COPS3: variants seen among roughly 807,000 people sequenced by gnomAD.
The protein encoded by COPS3 is COP9 signalosome subunit 3, also known as COP9 signalosome complex subunit 3.
COPS3 carries 10 observed loss-of-function variants against 58.2 expected under a neutral mutation model. The observed-to-expected ratio is 0.17, with a 90% CI of 0.11 to 0.29. The LOEUF is 0.29. Ranked by LOEUF, COPS3 falls within the 10% of genes least tolerant of loss-of-function variation. The pLI is 1.00. For missense variants in COPS3, 333 were observed against 510.1 expected (o/e 0.65, Z 3.34); for synonymous variants, 187 against 181.7 (o/e 1.03, Z -0.24).
intron 4 of COPS3, among the ~76,000 whole-genome samples, chr17:17,270,203 A>G (rs1221252708): frequency 1.3e-5 from 2 of 152,044 alleles, no homozygotes; most frequent in East Asian, 3.9e-4. Context: ...TGACCATTAC[A>G]CTATACTATG....
At chr17:17,263,875 T>C (rs2048165653) in intron 6 of COPS3, among the ~76,000 whole-genome samples, 1 of 152,240 alleles carries the variant, frequency 6.6e-6, no homozygotes, top group South Asian at 2.1e-4. Context: ...GCTCATGAGT[T>C]AACTATATTT....
At position 17,270,953 on chromosome 17, in the gene COPS3, C is replaced by T. The variant is rs1328025754; in HGVS notation, c.241G>A (p.Val81Ile). The T allele has an allele frequency of 6.2e-7, 1 of 1,613,822 alleles. No individual in the cohort carries two copies. Among genetic ancestry groups the T allele is most frequent in the Admixed American group, 1.7e-5 (1 of 59,928 alleles). ...TTACAAGTGCTGATGAAGAGCTGAA[C>T]CTGTGAGAATAGCGTTTCGAAGTCA... ...VPDFETLFSQ[V>I]QLFISTCNGE... Residue 81 changes from valine (V) to isoleucine (I), a missense_variant, in exon 3 of 12, where the codon GTT becomes ATT. Val to Ile is a conservative substitution (Grantham distance 29). Coordinates refer to ENST00000268717, the MANE Select transcript of COPS3 (RefSeq NM_003653.4).
intron 9 of COPS3, among the ~76,000 whole-genome samples, chr17:17,251,977 G>C (rs1004672966): frequency 3.9e-5 from 6 of 151,990 alleles, no homozygotes; most frequent in Non-Finnish European, 7.4e-5. Context: ...GCTGAGGCAG[G>C]AGAATGGCGT....
chr17:17,254,890 G>A lies in COPS3; in HGVS notation c.992C>T (p.Pro331Leu). 1 of 1,612,848 alleles carries A rather than the reference G, an allele frequency of 6.2e-7. No individual in the cohort carries two copies. The part of the protein sequence containing the change: ...DMASRVQLSG[P>L]QEAEKYVLHM... ...CAGAACGTATTTCTCTGCCTCCTGA[G>A]GTCCAGACAACTGCACACGACTTGC... The change falls in exon 9 of 12, where the codon CCT becomes CTT. Residue 331 changes from proline (P) to leucine (L), a missense_variant. Physicochemically the swap from Pro to Leu is moderately conservative, Grantham distance 98. Coordinates refer to ENST00000268717, the MANE Select transcript of COPS3 (RefSeq NM_003653.4).
chr17:17,274,784 T>G (rs901083655), intron 2 of COPS3, among the ~76,000 whole-genome samples: 3 of 151,996 alleles, frequency 2.0e-5, no homozygotes, highest in African/African-American at 7.2e-5. Context: ...ATTTGAAATT[T>G]ACTTACAACC....
intron 4 of COPS3, among the ~76,000 whole-genome samples, chr17:17,268,638 G>A (rs2048278231): frequency 1.3e-5 from 2 of 152,188 alleles, no homozygotes; most frequent in South Asian, 4.2e-4. Flanking sequence ...GGCCAACATG[G>A]CAAAACCCCA....
rs955442762 is a variant in COPS3, at chr17:17,281,212, C to T, written c.-26G>A. 1.9e-6 allele frequency: 3 copies of T among 1,603,524 alleles called. No individual in the cohort carries two copies. Among genetic ancestry groups the T allele is most frequent in the African/African-American group, 1.3e-5 (1 of 74,832 alleles). On this transcript the variant is annotated 5_prime_UTR_variant, in exon 1 of 12. Transcript: ENST00000268717. ...GTTTTCCCCCGGGCGGCCCGAGCGG[C>T]GAAGGCAGCACGCGCGGGAAAAGGC...
At chr17:17,254,992 A>C in intron 8 of COPS3, 47 bp from the exon 9 acceptor site, 1 of 1,360,032 alleles carries the variant, frequency 7.4e-7, no homozygotes, top group East Asian at 2.3e-5. Flanking sequence ...CAACGAAGGA[A>C]GGACATTTTA....
chr17:17,257,127 G>A (rs1253820117), intron 8 of COPS3, among the ~76,000 whole-genome samples: 1 of 152,070 alleles, frequency 6.6e-6, no homozygotes, highest in Non-Finnish European at 1.5e-5. Flanking sequence ...ACTTTGGGAG[G>A]CCAAAGTGGG....
chr17:17,271,481 T>C (rs1372674255), intron 2 of COPS3, among the ~76,000 whole-genome samples: 1 of 151,718 alleles, frequency 6.6e-6, no homozygotes, highest in Non-Finnish European at 1.5e-5. Flanking sequence ...GACCTGGTTA[T>C]TTTGCACAAT....
rs1350230504 is a variant in COPS3, at chr17:17,270,987, G to C, written c.207C>G (p.Pro69=). Residue 69 remains proline, a synonymous_variant, in exon 3 of 12, where the codon CCC becomes CCG. Transcript: ENST00000268717. ...ATAGCGTTTCGAAGTCAGGAACACT[G>C]GGCATAGAAAACTTCACAAACCTAG... ...LAVLFVKFSM[P]SVPDFETLFS... 1 of 1,613,638 alleles carries C rather than the reference G, an allele frequency of 6.2e-7. No individual in the cohort carries two copies. The highest frequency in any genetic ancestry group is 8.5e-7 in the Non-Finnish European group (1 of 1,179,784).
chr17:17,280,762 C>A lies in COPS3; in HGVS notation c.55+370G>T, dbSNP rs7209709. ...CGGATCGGCGGCAAAGATGACATGG[C>A]GGTGCGCCAATCACCGAAGGCAAGA... On this transcript the variant is annotated intron_variant, in intron 1 of 11. Coordinates refer to ENST00000268717, the MANE Select transcript of COPS3 (RefSeq NM_003653.4). The A allele has an allele frequency of 1.2e-3, 1,501 of 1,251,000 alleles. 22 individuals are homozygous for A. The African/African-American group carries it at 0.022, about 18-fold the overall frequency. 77.5% of individuals were successfully genotyped at this position (1,251,000 alleles called of 1,614,324 possible).
intron 2 of COPS3, among the ~76,000 whole-genome samples, chr17:17,274,707 G>A (rs2048423998): frequency 6.6e-6 from 1 of 151,632 alleles, no homozygotes; most frequent in African/African-American, 2.4e-5. Flanking sequence ...ACAGATGTAA[G>A]CCACTGTGTC....
chr17:17,280,186 TG>T (rs2048544445), intron 1 of COPS3, among the ~76,000 whole-genome samples: 1 of 152,134 alleles, frequency 6.6e-6, no homozygotes, highest in African/African-American at 2.4e-5. Flanking sequence ...CCGAGGCCAG[TG>T]GATCACCTGA....
chr17:17,277,593 G>GT (rs1323494286), intron 1 of COPS3, among the ~76,000 whole-genome samples: 3 of 151,488 alleles, frequency 2.0e-5, no homozygotes, highest in East Asian at 1.9e-4. Flanking sequence ...TATTTTTTAA[G>GT]TTTTTTGCAG....
At chr17:17,260,239 G>A (rs1567851839) in intron 8 of COPS3, 62 bp downstream of exon 8, 2 of 1,520,356 alleles carry the variant, frequency 1.3e-6, no homozygotes, top group African/African-American at 1.4e-5. Context: ...AAAAGGGAGA[G>A]AAAGGGAAAC....
In COPS3 at chr17:17,260,454, G is replaced by A. The variant is rs368452318; in HGVS notation, c.783C>T (p.His261=). Residue 261 remains histidine (H), a synonymous_variant, in exon 8 of 12, where the codon CAC becomes CAT. Coordinates refer to ENST00000268717, the MANE Select transcript of COPS3 (RefSeq NM_003653.4). ...TGGTTGAATACACTTGTGCTAACTC[G>A]TGGTATGCATTGCTAAGAGGCTAAA... ...RFIKPLSNAY[H]ELAQVYSTNN... is the part of the protein sequence containing the mutation. The A allele has an allele frequency of 7.6e-5, 122 of 1,614,084 alleles. No individual in the cohort carries two copies. Among genetic ancestry groups the A allele is most frequent in the South Asian group, 4.1e-4 (37 of 91,084 alleles).
Position 17,254,956 on chromosome 17 carries a change from G to A in COPS3, c.937-11C>T. On this transcript the variant is annotated splice_polypyrimidine_tract_variant and intron_variant, in intron 8 of 11. Transcript: ENST00000268717. ...TAGAGTTAAAAAGGTCTGAAAGTCAGAAGCAGAATTAGTCACAGGTAGGAA... is the reference window on the plus strand; with the variant it reads ...TAGAGTTAAAAAGGTCTGAAAGTCAAAAGCAGAATTAGTCACAGGTAGGAA... 2.5e-6 allele frequency: 4 copies of A among 1,595,222 alleles called. No individual in the cohort carries two copies. Among genetic ancestry groups the A allele is most frequent in the Non-Finnish European group, 3.4e-6 (4 of 1,163,742 alleles).
At chr17:17,272,583 G>GT (rs2048376779) in intron 2 of COPS3, among the ~76,000 whole-genome samples, 1 of 152,166 alleles carries the variant, frequency 6.6e-6, no homozygotes, top group Non-Finnish European at 1.5e-5. Context: ...GTTCGGAGGA[G>GT]TACTGCCACA....
Sources: allele counts gnomAD v4.1 joint callset (sites outside exome capture counted in the v4.1 genomes callset), GRCh38; gene constraint gnomAD v4.1.1; transcripts MANE v1.5; gene names NCBI Gene and HGNC (gene_info 2026-07-23, HGNC 2026-07-21).